Variants in LY96 observed in about 807,000 individuals in gnomAD.
LY96 encodes myeloid differentiation protein-2.
A neutral mutation model predicts 18.9 loss-of-function variants in LY96; 18 were observed. That is an observed-to-expected ratio of 0.95 (90% CI 0.66 to 1.41). The LOEUF is 1.41. Ranked by LOEUF, LY96 falls within the 40% of genes most tolerant of loss-of-function variation. LY96 has a pLI of 0.00. For synonymous variants in LY96, 66 were observed against 62.6 expected, an observed-to-expected ratio of 1.06 and a Z score of -0.26; for missense variants, 175 against 182.4, an observed-to-expected ratio of 0.96 and a Z score of 0.23.
At chr8:74,090,918 C>A in the LY96 span, among the ~76,000 whole-genome samples, 1 of 152,178 alleles carries the variant, frequency 6.6e-6, no homozygotes, top group Non-Finnish European at 1.5e-5. Flanking sequence ...CAGAGCTGTG[C>A]CCGCATGCTG....
chr8:74,092,815 A>G, the LY96 span, among the ~76,000 whole-genome samples: 1 of 152,052 alleles, frequency 6.6e-6, no homozygotes, highest in Admixed American at 6.6e-5. Flanking sequence ...AATCCTGTTC[A>G]TCTTATCTCT....
At chr8:74,069,865 G>A in the LY96 span, among the ~76,000 whole-genome samples, 1 of 152,194 alleles carries the variant, frequency 6.6e-6, no homozygotes, top group Admixed American at 6.5e-5. Context: ...GCCTCCCAAA[G>A]TGCTGGGATT....
At chr8:74,088,164 A>AGGAAAG in the LY96 span, among the ~76,000 whole-genome samples, 5 of 151,788 alleles carry the variant, frequency 3.3e-5, no homozygotes, top group Admixed American at 3.3e-4. Context: ...AGAATAGAAA[A>AGGAAAG]GGAAAGTGTT....
At chr8:74,097,426 T>C in the LY96 span, among the ~76,000 whole-genome samples, 24 of 152,144 alleles carry the variant, frequency 1.6e-4, no homozygotes, top group African/African-American at 5.6e-4. Flanking sequence ...TATAAAGTAC[T>C]TGGGGCCAGG....
intron 3 of LY96, among the ~76,000 whole-genome samples, chr8:74,016,980 A>G (rs1017894121): frequency 1.3e-5 from 2 of 152,324 alleles, no homozygotes; most frequent in African/African-American, 4.8e-5. Flanking sequence ...AATTCTAAAA[A>G]CCAGAGTGTC....
At chr8:74,019,431 G>A (rs1056712389) in intron 3 of LY96, among the ~76,000 whole-genome samples, 5 of 152,034 alleles carry the variant, frequency 3.3e-5, no homozygotes, top group African/African-American at 1.2e-4. Flanking sequence ...ATAATTAATA[G>A]CCTACCAACC....
chr8:74,010,655 A>C (rs1021420424), intron 3 of LY96, among the ~76,000 whole-genome samples: 4 of 152,148 alleles, frequency 2.6e-5, no homozygotes, highest in Non-Finnish European at 4.4e-5. Context: ...ACATAGTTTT[A>C]AGAATTAAAT....
At chr8:74,097,378 G>A in the LY96 span, among the ~76,000 whole-genome samples, 5 of 152,112 alleles carry the variant, frequency 3.3e-5, no homozygotes, top group East Asian at 1.9e-4. Context: ...ATCTGTAACA[G>A]TAGTAGTGTT....
At chr8:74,061,949 A>G in the LY96 span, among the ~76,000 whole-genome samples, 1 of 152,242 alleles carries the variant, frequency 6.6e-6, no homozygotes, top group South Asian at 2.1e-4. Context: ...ATTGAAGTAC[A>G]GTGCACACAC....
At chr8:74,058,904 T>C in the LY96 span, among the ~76,000 whole-genome samples, 2 of 152,138 alleles carry the variant, frequency 1.3e-5, no homozygotes, top group Non-Finnish European at 2.9e-5. Context: ...GCTGGAGACC[T>C]AGGAAAAGCC....
chr8:74,093,840 T>C, the LY96 span, among the ~76,000 whole-genome samples: 1 of 152,248 alleles, frequency 6.6e-6, no homozygotes, highest in Non-Finnish European at 1.5e-5. Flanking sequence ...TAAGATAGCA[T>C]ATTATTTATT....
intron 1 of LY96, among the ~76,000 whole-genome samples, chr8:74,001,787 A>G (rs1816275347): frequency 6.6e-6 from 1 of 152,122 alleles, no homozygotes; most frequent in Non-Finnish European, 1.5e-5. Context: ...GCAATGAGCT[A>G]TGATTGCATC....
At chr8:74,023,443 G>A (rs1352557105) in intron 3 of LY96, among the ~76,000 whole-genome samples, 5 of 152,212 alleles carry the variant, frequency 3.3e-5, no homozygotes, top group African/African-American at 1.2e-4. Context: ...TTGAATAGCA[G>A]GCCTGTGGGA....
At chr8:74,004,460 A>G (rs191367629) in intron 1 of LY96, among the ~76,000 whole-genome samples, 198 of 152,248 alleles carry the variant, frequency 1.3e-3, no homozygotes, top group African/African-American at 4.5e-3. Context: ...CAGGGTAATA[A>G]TCTCTGATTA....
intron 1 of LY96, among the ~76,000 whole-genome samples, chr8:73,996,430 T>TTTCTTTCTTTCTTTCC: frequency 1.5e-5 from 2 of 130,404 alleles, no homozygotes; most frequent in Non-Finnish European, 3.2e-5. Flanking sequence ...TCTTTCTTTC[T>TTTCTTTCTTTCTTTCC]TTCTTTCTTT....
chr8:74,066,030 C>G, the LY96 span, among the ~76,000 whole-genome samples: 2 of 152,082 alleles, frequency 1.3e-5, no homozygotes, highest in Non-Finnish European at 2.9e-5. Flanking sequence ...GGAAGGGTAC[C>G]ATCTTAGTCT....
At chr8:74,053,835 C>T in the LY96 span, among the ~76,000 whole-genome samples, 1 of 152,116 alleles carries the variant, frequency 6.6e-6, no homozygotes, top group Non-Finnish European at 1.5e-5. Flanking sequence ...GGTAAGACCC[C>T]CATGGTGAGA....
intron 3 of LY96, among the ~76,000 whole-genome samples, chr8:74,017,452 A>G (rs754232522): frequency 1.3e-5 from 2 of 152,224 alleles, no homozygotes; most frequent in African/African-American, 2.4e-5. Context: ...TGATGGTGAG[A>G]ATGGAACCAA....
the LY96 span, among the ~76,000 whole-genome samples, chr8:74,073,535 A>G: frequency 6.6e-6 from 1 of 152,160 alleles, no homozygotes; most frequent in South Asian, 2.1e-4. Flanking sequence ...TTCTATAATC[A>G]GACACTCAAG....
Sources: allele counts gnomAD v4.1 joint callset (sites outside exome capture counted in the v4.1 genomes callset), GRCh38; gene constraint gnomAD v4.1.1; transcripts MANE v1.5; gene names NCBI Gene and HGNC (gene_info 2026-07-23, HGNC 2026-07-21).